TNKS: variants seen among roughly 807,000 people sequenced by gnomAD.
TNKS encodes the protein poly [ADP-ribose] polymerase tankyrase-1.
Under a neutral mutation model 135.8 loss-of-function variants are expected in TNKS, and 72 were observed. That is an observed-to-expected ratio of 0.53 (90% CI 0.44 to 0.64). The LOEUF is 0.64. TNKS is among the 30% of genes least tolerant of loss of function. The pLI is 0.00. For synonymous variants in TNKS, 849 were observed against 649.3 expected (o/e 1.31, Z -4.68); for missense variants, 1,769 against 1,674.0 (o/e 1.06, Z -0.99).
intron 9 of TNKS, among the ~76,000 whole-genome samples, 200 bp from the exon 10 acceptor site, chr8:9,709,755 C>T (rs112569763): frequency 1.2e-4 from 19 of 152,152 alleles, no homozygotes; most frequent in African/African-American, 4.1e-4. Flanking sequence ...CATAATTTCA[C>T]CTTGGTTTAA....
At chr8:9,579,129 C>G (rs1316773957) in intron 1 of TNKS, among the ~76,000 whole-genome samples, 2 of 152,144 alleles carry the variant, frequency 1.3e-5, no homozygotes, top group Non-Finnish European at 2.9e-5. Flanking sequence ...TCCCCCTAAA[C>G]CCCCATTTTT....
intron 5 of TNKS, among the ~76,000 whole-genome samples, chr8:9,698,909 G>A (rs936316480): frequency 5.9e-5 from 9 of 152,048 alleles, no homozygotes; most frequent in Admixed American, 3.9e-4. Context: ...CTTTTTTTCT[G>A]TTAACATTTT....
intron 11 of TNKS, among the ~76,000 whole-genome samples, chr8:9,716,361 C>T (rs1298685070): frequency 6.6e-6 from 1 of 152,022 alleles, no homozygotes; most frequent in East Asian, 1.9e-4. Context: ...GTATCTTTTA[C>T]AGTGTAAATA....
At chr8:9,757,743 G>A (rs373439105) in intron 20 of TNKS, among the ~76,000 whole-genome samples, 1 of 152,142 alleles carries the variant, frequency 6.6e-6, no homozygotes. Context: ...TTTACTATCA[G>A]TTATTTGGAC....
intron 5 of TNKS, among the ~76,000 whole-genome samples, chr8:9,698,220 C>T (rs1803611902): frequency 1.3e-5 from 2 of 151,982 alleles, no homozygotes; most frequent in South Asian, 4.2e-4. Flanking sequence ...TGGACATAAA[C>T]ATGGGAACAG....
At chr8:9,735,596 C>G (rs1278002582) in intron 17 of TNKS, 110 bp downstream of exon 17, 3 of 796,338 alleles carry the variant, frequency 3.8e-6, no homozygotes, top group East Asian at 5.0e-5. Context: ...GTCAGGAGGT[C>G]GAGACAATCC....
At chr8:9,651,173 G>T (rs1387393873) in intron 3 of TNKS, among the ~76,000 whole-genome samples, 1 of 151,924 alleles carries the variant, frequency 6.6e-6, no homozygotes, top group Non-Finnish European at 1.5e-5. Flanking sequence ...CCAACTAATT[G>T]TCTTTTATTT....
intron 5 of TNKS, among the ~76,000 whole-genome samples, chr8:9,684,947 A>T (rs996386917): frequency 1.3e-5 from 2 of 152,174 alleles, no homozygotes. Context: ...TTAAGGTGAC[A>T]GTGTTTTTTC....
intron 20 of TNKS, among the ~76,000 whole-genome samples, chr8:9,759,227 A>G (rs1807012623): frequency 6.6e-6 from 1 of 152,244 alleles, no homozygotes; most frequent in Non-Finnish European, 1.5e-5. Context: ...TCTGTCTGCC[A>G]TAGCGTGGCA....
chr8:9,581,667 G>T (rs1393695202), intron 2 of TNKS, among the ~76,000 whole-genome samples: 1 of 152,142 alleles, frequency 6.6e-6, no homozygotes, highest in African/African-American at 2.4e-5. Flanking sequence ...ACAGCCACTG[G>T]ATTTTTCTCA....
chr8:9,583,269 T>A (rs1798240217), intron 2 of TNKS, among the ~76,000 whole-genome samples: 2 of 152,118 alleles, frequency 1.3e-5, no homozygotes, highest in Admixed American at 6.6e-5. Context: ...CTGAGATTAT[T>A]TTAAAAATCA....
At chr8:9,718,200 T>C (rs551443785) in intron 11 of TNKS, among the ~76,000 whole-genome samples, 82 of 152,268 alleles carry the variant, frequency 5.4e-4, no homozygotes, top group African/African-American at 1.9e-3. Context: ...CAATTTGTTG[T>C]GGTTTGAGAA....
intron 1 of TNKS, among the ~76,000 whole-genome samples, chr8:9,579,595 A>G (rs1798091666): frequency 6.6e-6 from 1 of 152,034 alleles, no homozygotes; most frequent in Non-Finnish European, 1.5e-5. Flanking sequence ...CAGCCTCCCA[A>G]GTAGGTGGGA....
Position 9,580,325 on chromosome 8 carries a change from C to G in TNKS, c.840C>G (p.Asn280Lys). The G allele has an allele frequency of 6.2e-7, 1 of 1,614,122 alleles. No homozygotes were observed. The highest frequency in any genetic ancestry group is 8.5e-7 in the Non-Finnish European group (1 of 1,180,028). Residue 280 changes from asparagine to lysine, a missense_variant, in exon 2 of 27, where the codon AAC (asparagine) becomes AAG (lysine). Transcript: ENST00000310430. Reference sequence around the variant, plus strand: ...GAGCTGATCCAAATGCCAGGGATAACTGGAACTATACACCTCTGCATGAAG... The same window carrying G: ...GAGCTGATCCAAATGCCAGGGATAAGTGGAACTATACACCTCTGCATGAAG... ...CQGADPNARDNWNYTPLHEAA... is the reference protein window; with the variant it reads ...CQGADPNARDKWNYTPLHEAA...
At chr8:9,666,919 T>G (rs1202719213) in intron 3 of TNKS, among the ~76,000 whole-genome samples, 3 of 152,112 alleles carry the variant, frequency 2.0e-5, no homozygotes, top group Non-Finnish European at 4.4e-5. Flanking sequence ...TATAGAGGTA[T>G]GTAATATATT....
intron 2 of TNKS, among the ~76,000 whole-genome samples, chr8:9,585,627 A>G (rs1798347569): frequency 6.6e-6 from 1 of 152,238 alleles, no homozygotes; most frequent in Non-Finnish European, 1.5e-5. Context: ...GAAAAGGATT[A>G]AGTTGTAATT....
chr8:9,615,659 G>C lies in TNKS; in HGVS notation c.976G>C (p.Ala326Pro), dbSNP rs774471058. 2.5e-6 allele frequency: 4 copies of C among 1,612,688 alleles called. No individual in the cohort carries two copies. The highest frequency in any genetic ancestry group is 3.4e-6 in the Non-Finnish European group (4 of 1,179,342). ...KSALDLADPS[A>P]KAVLTGEYKK... ...AGCCCTGGACCTGGCAGATCCTTCA[G>C]CAAAAGCTGTCCTTACAGGTAAGAA... Residue 326 changes from alanine (A) to proline (P), a missense_variant, in exon 3 of 27, where the codon GCA (alanine) becomes CCA (proline). Ala to Pro is a conservative substitution (Grantham distance 27). Transcript: ENST00000310430.
chr8:9,633,749 C>T (rs1320284219), intron 3 of TNKS, among the ~76,000 whole-genome samples: 1 of 152,160 alleles, frequency 6.6e-6, no homozygotes, highest in African/African-American at 2.4e-5. Flanking sequence ...TATAGACAAG[C>T]CCATTTGGGG....
chr8:9,672,713 A>ACACACAC lies in TNKS; in HGVS notation c.995-7238_995-7237insCACACAC, dbSNP rs1563158502. Among the ~76,000 whole-genome samples, 28 of 98,090 alleles carry ACACACAC rather than the reference A, an allele frequency of 2.9e-4. No homozygotes were observed. In the East Asian group the frequency reaches 5.0e-3, roughly 17 times the overall value. The allele number at this position is 98,090 out of a possible 152,430, so 64.4% of individuals were successfully genotyped here. ...ACACACACACACACACACACACACA[A>ACACACAC]AAAAAAAAAAACAAACTAATATCCC... On this transcript the variant is annotated intron_variant, in intron 3 of 26. Coordinates refer to ENST00000310430, the MANE Select transcript of TNKS (RefSeq NM_003747.3).
Sources: allele counts gnomAD v4.1 joint callset (sites outside exome capture counted in the v4.1 genomes callset), GRCh38; gene constraint gnomAD v4.1.1; transcripts MANE v1.5; gene names NCBI Gene and HGNC (gene_info 2026-07-23, HGNC 2026-07-21).